The following NEK3 variants were observed in gnomAD, a reference collection of about 807,000 sequenced individuals.
NEK3 encodes the protein serine/threonine-protein kinase Nek3.
A neutral mutation model predicts 66.0 loss-of-function variants in NEK3; 54 were observed. The ratio of observed to expected loss-of-function variants is 0.82; its 90% CI spans 0.66 to 1.03. The LOEUF (loss-of-function observed/expected upper bound fraction) is 1.03, where lower values mean the gene tolerates loss of function less well. Ranked by LOEUF, NEK3 falls within the 50% of genes least tolerant of loss-of-function variation. NEK3 has a pLI of 0.00. For missense variants in NEK3, 593 were observed against 603.0 expected (o/e 0.98, Z 0.17); for synonymous variants, 200 against 206.2 (o/e 0.97, Z 0.26).
chr13:52,144,341 G>C (rs1193679359), intron 9 of NEK3, among the ~76,000 whole-genome samples: 2 of 152,176 alleles, frequency 1.3e-5, no homozygotes, highest in Non-Finnish European at 2.9e-5. Flanking sequence ...GCTTGAACCA[G>C]GGAGGTGGAG....
intron 10 of NEK3, 130 bp downstream of exon 10, chr13:52,143,785 A>G (rs1956270655): frequency 1.6e-6 from 1 of 607,138 alleles, no homozygotes; most frequent in Admixed American, 3.3e-5. Flanking sequence ...AAAGTAACAA[A>G]AAGAAAAGGT....
At chr13:52,144,117 T>C in intron 9 of NEK3, 130 bp from the exon 10 acceptor site, 1 of 603,758 alleles carries the variant, frequency 1.7e-6, no homozygotes, top group Non-Finnish European at 2.8e-6. Flanking sequence ...AGTACCACTT[T>C]AAAAAGTACA....
chr13:52,136,187 G>C lies in NEK3; in HGVS notation c.1103C>G (p.Pro368Arg). 1 of 1,613,710 alleles carries C rather than the reference G, an allele frequency of 6.2e-7. No homozygotes were observed. Among genetic ancestry groups the C allele is most frequent in the Non-Finnish European group, 8.5e-7 (1 of 1,179,702 alleles). The change falls in exon 13 of 16, where the codon CCC becomes CGC. Residue 368 changes from proline (P) to arginine (R), a missense_variant. By Grantham distance (103) the Pro-to-Arg change is moderately radical. Coordinates refer to ENST00000610828, the MANE Select transcript of NEK3 (RefSeq NM_002498.3). ...LHRRQWEKNV[P>R]NTALTALENA... ...TTCCAAAGCTGTAAGAGCTGTATTG[G>C]GTACATTTTTCTCCCACTGTCGTCT... is the stretch of plus-strand genomic sequence containing the variant.
chr13:52,132,902 C>T lies in NEK3; in HGVS notation c.*240G>A, dbSNP rs759775894. ...ATCCCATTTCTGTTCTATGGGACTG[C>T]AAAGCCCGATGCTCACACTCATTCC... On this transcript the variant is annotated 3_prime_UTR_variant, in exon 16 of 16. Transcript: ENST00000610828. The T allele has an allele frequency of 1.4e-5, 6 of 435,862 alleles. No homozygotes were observed. Among genetic ancestry groups the T allele is most frequent in the Non-Finnish European group, 2.5e-5 (6 of 241,370 alleles). The allele number at this position is 435,862 out of a possible 1,614,324, so 27.0% of individuals were successfully genotyped here.
rs1484314460 is a variant in NEK3 at position 52,154,158 on chromosome 13, G to T, written c.133C>A (p.Gln45Lys). The change falls in exon 3 of 16, where the codon CAG becomes AAG. Residue 45 changes from glutamine to lysine, a missense_variant. Transcript: ENST00000610828. ...IRLPKSFSNT[Q>K]NSRKEAVLLA... is the part of the protein sequence containing the mutation. The stretch of plus-strand genomic sequence containing the variant: ...AGAACAGCCTCCTTCCTAGAATTCT[G>T]TGTATTAGAGAAAGACTAGAAAAAC... The T allele has an allele frequency of 6.2e-7, 1 of 1,602,908 alleles. No individual in the cohort carries two copies. The highest frequency in any genetic ancestry group is 8.5e-7 in the Non-Finnish European group (1 of 1,173,170).
chr13:52,137,281 A>G (rs933536897), intron 11 of NEK3, among the ~76,000 whole-genome samples: 4 of 152,190 alleles, frequency 2.6e-5, no homozygotes, highest in African/African-American at 9.6e-5. Context: ...ACAAACTATA[A>G]TATCAAAATG....
At chr13:52,138,805 C>T (rs1399611169) in intron 11 of NEK3, among the ~76,000 whole-genome samples, 1 of 152,032 alleles carries the variant, frequency 6.6e-6, no homozygotes, top group Non-Finnish European at 1.5e-5. Flanking sequence ...GTGGCATGCA[C>T]CTGTAGTTCC....
At chr13:52,138,941 G>A (rs1220641959) in intron 11 of NEK3, among the ~76,000 whole-genome samples, 1 of 151,440 alleles carries the variant, frequency 6.6e-6, no homozygotes, top group Non-Finnish European at 1.5e-5. Flanking sequence ...AAGGAGAGAA[G>A]GAAAGAAAGA....
intron 11 of NEK3, among the ~76,000 whole-genome samples, chr13:52,138,766 T>C (rs1399333377): frequency 2.0e-5 from 3 of 151,896 alleles, no homozygotes; most frequent in Non-Finnish European, 2.9e-5. Flanking sequence ...CTCATCTCTA[T>C]AAAAAAGTTA....
chr13:52,156,199 C>A lies in NEK3; in HGVS notation c.-8G>T. The A allele has an allele frequency of 6.5e-7, 1 of 1,543,280 alleles. No individual in the cohort carries two copies. Among genetic ancestry groups the A allele is most frequent in the East Asian group, 2.3e-5 (1 of 43,522 alleles). On this transcript the variant is annotated 5_prime_UTR_variant, in exon 2 of 16. It removes an upstream start codon present in the reference 5' UTR. Transcript: ENST00000610828. ...GACCATGTAGTCATCCATGCTGGGG[C>A]ATCCACACAGCTGGGCTCCACTCAC...
chr13:52,135,641 G>A (rs1239629076), intron 14 of NEK3, 88 bp downstream of exon 14: 2 of 1,226,758 alleles, frequency 1.6e-6, no homozygotes, highest in African/African-American at 1.5e-5. Flanking sequence ...CCTTAAAATG[G>A]TTCAAATGTA....
At chr13:52,143,613 G>T (rs1956268851) in intron 10 of NEK3, among the ~76,000 whole-genome samples, 1 of 152,082 alleles carries the variant, frequency 6.6e-6, no homozygotes, top group African/African-American at 2.4e-5. Context: ...CTTAGGTCAG[G>T]CAACAGAAGA....
chr13:52,140,273 C>A (rs1475299755), intron 11 of NEK3, among the ~76,000 whole-genome samples: 1 of 140,064 alleles, frequency 7.1e-6, no homozygotes, highest in Non-Finnish European at 1.5e-5. Flanking sequence ...GAAAGCAAGA[C>A]AAAATTCTTC....
intron 5 of NEK3, among the ~76,000 whole-genome samples, chr13:52,151,918 C>G (rs1200513327): frequency 6.6e-6 from 1 of 152,176 alleles, no homozygotes; most frequent in East Asian, 1.9e-4. Flanking sequence ...AAATTCAGTA[C>G]AGTAACACGC....
intron 12 of NEK3, 40 bp downstream of exon 12, chr13:52,136,760 A>G: frequency 1.5e-6 from 2 of 1,350,184 alleles, no homozygotes; most frequent in South Asian, 1.4e-5. Flanking sequence ...GTATTCCCCA[A>G]CTCCTCACCT....
rs770136455 is a variant in NEK3 at position 52,133,787 on chromosome 13, CAG to C, written c.1336_1337del (p.Leu446ValfsTer2). 1.9e-5 allele frequency: 31 copies of C among 1,598,678 alleles called. No individual in the cohort carries two copies. The highest frequency in any genetic ancestry group is 1.3e-4 in the African/African-American group (10 of 74,718). On this transcript the variant is annotated frameshift_variant, in exon 15 of 16. Coordinates refer to ENST00000610828, the MANE Select transcript of NEK3 (RefSeq NM_002498.3). LOFTEE classifies it high-confidence loss of function. Reference protein sequence around the residue: ...PGSEGFLKGPLSEETEASDSV... With the variant: ...PGSEGFLKGPXSEETEASDSV... ...TGTCCGATGCTTCTGTTTCTTCAGA[CAG>C]GGGGCCTTTCAAGAACCCTTCTGAA...
At chr13:52,141,991 G>C (rs1261429335) in intron 10 of NEK3, among the ~76,000 whole-genome samples, 1 of 151,872 alleles carries the variant, frequency 6.6e-6, no homozygotes, top group African/African-American at 2.4e-5. Flanking sequence ...GGAGGCTGAG[G>C]CATGAGAATT....
At chr13:52,148,663 C>A (rs2274202) in intron 7 of NEK3, among the ~76,000 whole-genome samples, 194 bp from the exon 8 acceptor site, 68,242 of 151,966 alleles carry the variant, frequency 0.45, 17,996 homozygotes, top group Non-Finnish European at 0.59. Flanking sequence ...CAATCCCCAC[C>A]CCCTTCAAAT....
At chr13:52,153,408 T>TA in intron 4 of NEK3, among the ~76,000 whole-genome samples, 1 of 152,242 alleles carries the variant, frequency 6.6e-6, no homozygotes, top group Non-Finnish European at 1.5e-5. Context: ...GCCAATTCAT[T>TA]AAAAAATATT....
Sources: gnomAD v4.1 joint callset for allele counts (sites outside exome capture counted in the v4.1 genomes callset) on GRCh38, gnomAD v4.1.1 for gene constraint, MANE v1.5 for transcripts, NCBI Gene and HGNC (gene_info 2026-07-23, HGNC 2026-07-21) for gene names.